ANAPC10: variants seen among roughly 807,000 people sequenced by gnomAD.
ANAPC10 encodes the protein anaphase-promoting complex subunit 10.
ANAPC10 carries 12 observed loss-of-function variants against 22.0 expected under a neutral mutation model. The ratio of observed to expected loss-of-function variants is 0.55; its 90% confidence interval spans 0.35 to 0.88. The LOEUF (loss-of-function observed/expected upper bound fraction) is 0.88, where lower values mean the gene tolerates loss of function less well. Ranked by LOEUF, ANAPC10 falls within the 40% of genes least tolerant of loss-of-function variation. The pLI is 0.01. For synonymous variants in ANAPC10, 65 were observed against 69.5 expected (o/e 0.94, Z 0.32); for missense variants, 188 against 220.9 (o/e 0.85, Z 0.94).
At chr4:145,020,517 G>C (rs1211989815) in intron 4 of ANAPC10, among the ~76,000 whole-genome samples, 4 of 152,064 alleles carry the variant, frequency 2.6e-5, no homozygotes, top group African/African-American at 9.7e-5. Flanking sequence ...CTGAGAACTG[G>C]AACAAAACAA....
At chr4:145,065,271 C>T (rs1743513775) in intron 3 of ANAPC10, among the ~76,000 whole-genome samples, 1 of 151,710 alleles carries the variant, frequency 6.6e-6, no homozygotes, top group South Asian at 2.1e-4. Flanking sequence ...AAAGAAGAAA[C>T]ACATAATAGA....
chr4:145,041,052 C>G (rs769443564), intron 4 of ANAPC10, among the ~76,000 whole-genome samples: 9 of 152,098 alleles, frequency 5.9e-5, no homozygotes, highest in Non-Finnish European at 1.2e-4. Flanking sequence ...GCTCCCCAAC[C>G]CAATGACCCA....
chr4:145,028,453 C>T (rs1737066803), intron 4 of ANAPC10, among the ~76,000 whole-genome samples: 1 of 152,010 alleles, frequency 6.6e-6, no homozygotes, highest in African/African-American at 2.4e-5. Flanking sequence ...TAACTTAATG[C>T]TTAAGAAACT....
intron 4 of ANAPC10, among the ~76,000 whole-genome samples, chr4:145,020,417 A>C (rs1735805090): frequency 6.6e-6 from 1 of 152,010 alleles, no homozygotes; most frequent in African/African-American, 2.4e-5. Flanking sequence ...AAATCGGCAT[A>C]AAGGAACATA....
chr4:144,996,718 A>G (rs1731667028), intron 4 of ANAPC10, among the ~76,000 whole-genome samples: 1 of 152,230 alleles, frequency 6.6e-6, no homozygotes, highest in African/African-American at 2.4e-5. Context: ...AACGGAACAA[A>G]GCTGGACGGA....
chr4:145,063,261 T>C (rs985822614), intron 4 of ANAPC10, among the ~76,000 whole-genome samples: 1 of 152,180 alleles, frequency 6.6e-6, no homozygotes, highest in Non-Finnish European at 1.5e-5. Context: ...CATCATACTG[T>C]ACATGATACA....
intron 4 of ANAPC10, among the ~76,000 whole-genome samples, chr4:144,999,640 T>C (rs186769866): frequency 1.0e-3 from 159 of 152,316 alleles, no homozygotes; most frequent in African/African-American, 3.7e-3. Flanking sequence ...AGGTAATTTA[T>C]AGATTCAATG....
At chr4:145,065,790 C>T (rs913070229) in intron 3 of ANAPC10, among the ~76,000 whole-genome samples, 1 of 151,646 alleles carries the variant, frequency 6.6e-6, no homozygotes, top group African/African-American at 2.4e-5. Context: ...TGGGGGAAAA[C>T]AACAATTTTT....
chr4:145,053,348 T>C (rs1741410511), intron 4 of ANAPC10, among the ~76,000 whole-genome samples: 1 of 152,228 alleles, frequency 6.6e-6, no homozygotes, highest in Non-Finnish European at 1.5e-5. Context: ...CTCATACTTA[T>C]GGTACCACTT....
At chr4:145,036,719 T>C (rs981087586) in intron 4 of ANAPC10, among the ~76,000 whole-genome samples, 1 of 152,084 alleles carries the variant, frequency 6.6e-6, no homozygotes, top group African/African-American at 2.4e-5. Flanking sequence ...AAACTCAAAG[T>C]TAGTATAACT....
intron 4 of ANAPC10, 143 bp downstream of exon 4, chr4:145,064,429 A>G: frequency 1.7e-6 from 1 of 584,346 alleles, no homozygotes; most frequent in Non-Finnish European, 2.7e-6. Context: ...GAAGAAAAAA[A>G]TTTTACACTC....
At chr4:145,045,154 ATTAT>A (rs1035666498) in intron 4 of ANAPC10, among the ~76,000 whole-genome samples, 26 of 152,206 alleles carry the variant, frequency 1.7e-4, no homozygotes, top group Admixed American at 8.5e-4. Context: ...GTTGTAAAAT[ATTAT>A]TTATTTTTTT....
intron 4 of ANAPC10, among the ~76,000 whole-genome samples, chr4:145,032,633 G>A (rs1337140258): frequency 1.3e-5 from 2 of 152,300 alleles, no homozygotes; most frequent in Admixed American, 6.5e-5. Context: ...AAGCAGCCAT[G>A]GTAGCAGGAA....
intron 4 of ANAPC10, among the ~76,000 whole-genome samples, chr4:145,022,569 C>T (rs956353137): frequency 6.6e-6 from 1 of 151,926 alleles, no homozygotes; most frequent in African/African-American, 2.4e-5. Context: ...ATGTATACTG[C>T]TTGGGTGATG....
At chr4:145,059,391 C>G (rs1164657213) in intron 4 of ANAPC10, among the ~76,000 whole-genome samples, 2 of 152,116 alleles carry the variant, frequency 1.3e-5, no homozygotes, top group Non-Finnish European at 2.9e-5. Flanking sequence ...ACAGCTCTCT[C>G]TAACACTGAA....
chr4:145,001,302 G>C (rs1335073549), intron 4 of ANAPC10, among the ~76,000 whole-genome samples: 3 of 151,982 alleles, frequency 2.0e-5, no homozygotes, highest in Non-Finnish European at 2.9e-5. Flanking sequence ...AATTAATTCT[G>C]ACATGTGCTA....
chr4:145,028,748 C>T (rs983092195), intron 4 of ANAPC10, among the ~76,000 whole-genome samples: 1 of 152,134 alleles, frequency 6.6e-6, no homozygotes, highest in South Asian at 2.1e-4. Flanking sequence ...CACTCTTGAG[C>T]GGCAAGGAGT....
chr4:145,005,207 T>C (rs1282293169), intron 4 of ANAPC10, among the ~76,000 whole-genome samples: 1 of 152,064 alleles, frequency 6.6e-6, no homozygotes, highest in Non-Finnish European at 1.5e-5. Flanking sequence ...TGAACCACCA[T>C]ACCTGGCTAA....
At chr4:145,033,191 A>G (rs1737881183) in intron 4 of ANAPC10, 1 of 152,192 alleles carries the variant, frequency 6.6e-6, no homozygotes, top group Non-Finnish European at 1.5e-5. Context: ...ATCAGGGTCC[A>G]ATATATGGTA....
Sources: gnomAD v4.1 joint callset for allele counts (sites outside exome capture counted in the v4.1 genomes callset) on GRCh38, gnomAD v4.1.1 for gene constraint, MANE v1.5 for transcripts, NCBI Gene and HGNC (gene_info 2026-07-23, HGNC 2026-07-21) for gene names.